SPATA6: variants seen among roughly 807,000 people sequenced by gnomAD.
The protein encoded by SPATA6 is spermatogenesis-associated protein 6.
Under a neutral mutation model 65.3 loss-of-function variants are expected in SPATA6, and 56 were observed. The ratio of observed to expected loss-of-function variants is 0.86; its 90% confidence interval spans 0.69 to 1.07. SPATA6 has a LOEUF of 1.07. Among genes scored for constraint, SPATA6 ranks in the 50% least tolerant of loss-of-function variants. The pLI is 0.00. For synonymous variants in SPATA6, 199 were observed against 213.2 expected (o/e 0.93, Z 0.58); for missense variants, 590 against 594.8 (o/e 0.99, Z 0.08).
chr1:48,263,102 G>A, the SPATA6 span: 2 of 151,878 alleles, frequency 1.3e-5, no homozygotes, highest in Non-Finnish European at 1.5e-5. Flanking sequence ...TGACAATAAC[G>A]TATAAGAAGC....
chr1:48,435,817 C>T (rs534805898), intron 3 of SPATA6: 24 of 876,802 alleles, frequency 2.7e-5, no homozygotes, highest in Non-Finnish European at 4.2e-5. Context: ...GGCGCCCGCC[C>T]CTGTCCGCAC....
intron 7 of SPATA6, 44 bp from the exon 8 acceptor site, chr1:48,395,398 C>A: frequency 7.2e-7 from 1 of 1,381,552 alleles, no homozygotes; most frequent in East Asian, 2.6e-5. Context: ...TTTAAACATT[C>A]CTAGACTTTC....
At chr1:48,414,995 TAAA>T (rs79060900) in intron 3 of SPATA6, among the ~76,000 whole-genome samples, 1 of 141,464 alleles carries the variant, frequency 7.1e-6, no homozygotes. Context: ...ACAGAAATTC[TAAA>T]AAAAAAAAAC....
chr1:48,427,090 T>C (rs1238262044), intron 3 of SPATA6, among the ~76,000 whole-genome samples: 1 of 152,080 alleles, frequency 6.6e-6, no homozygotes, highest in Non-Finnish European at 1.5e-5. Flanking sequence ...CACAACTGAC[T>C]AATTTTTAAT....
downstream of SPATA6, among the ~76,000 whole-genome samples, chr1:48,291,481 CA>C (rs1273584787): frequency 6.6e-6 from 1 of 152,176 alleles, no homozygotes; most frequent in African/African-American, 2.4e-5. Context: ...ATCTCTGCTG[CA>C]TCACACAGGT....
chr1:48,261,680 AG>A, the SPATA6 span, among the ~76,000 whole-genome samples: 4 of 152,054 alleles, frequency 2.6e-5, no homozygotes, highest in Admixed American at 2.0e-4. Flanking sequence ...TGAAAATAAA[AG>A]GGATGATCTG....
intron 9 of SPATA6, among the ~76,000 whole-genome samples, chr1:48,370,815 T>C (rs1027199111): frequency 1.3e-5 from 2 of 152,118 alleles, no homozygotes; most frequent in East Asian, 1.9e-4. Flanking sequence ...CAGAAACAAA[T>C]TGCAAACTCT....
intron 1 of SPATA6, among the ~76,000 whole-genome samples, chr1:48,464,990 A>G (rs1298249697): frequency 6.6e-6 from 1 of 152,208 alleles, no homozygotes; most frequent in Non-Finnish European, 1.5e-5. Flanking sequence ...TTTACCAGAA[A>G]CGAAAAAATT....
At chr1:48,417,885 T>C (rs1652925493) in intron 3 of SPATA6, among the ~76,000 whole-genome samples, 1 of 152,146 alleles carries the variant, frequency 6.6e-6, no homozygotes, top group Non-Finnish European at 1.5e-5. Flanking sequence ...TGTTGTTGTT[T>C]GGTTTTTTTT....
At chr1:48,268,570 GA>G in the SPATA6 span, among the ~76,000 whole-genome samples, 1 of 151,600 alleles carries the variant, frequency 6.6e-6, no homozygotes, top group East Asian at 1.9e-4. Flanking sequence ...AAAAAATCCA[GA>G]AAAAACTTCC....
chr1:48,398,923 T>A (rs1650867144), intron 7 of SPATA6: 1 of 154,352 alleles, frequency 6.5e-6, no homozygotes, highest in Admixed American at 6.4e-5. Context: ...ACCCAAGGGA[T>A]GTAATTTAAA....
At position 48,468,959 on chromosome 1, in the gene SPATA6, C is replaced by T. The variant is rs963742927; in HGVS notation, c.51+2999G>A. On this transcript the variant is annotated intron_variant, in intron 1 of 12. Transcript: ENST00000371847. ...TCTCCTTATTTTTTAATTTTATTTA[C>T]GTATGTATTTATTTAAGAGACAGGG... Among the ~76,000 whole-genome samples, 3 of 151,938 alleles carry T rather than the reference C, an allele frequency of 2.0e-5. No homozygotes were observed. The South Asian group carries it at 6.2e-4, about 32-fold the overall frequency.
intron 11 of SPATA6, among the ~76,000 whole-genome samples, chr1:48,312,184 A>G (rs916208919): frequency 6.6e-6 from 1 of 152,238 alleles, no homozygotes; most frequent in African/African-American, 2.4e-5. Flanking sequence ...CTGCAGACTT[A>G]AATGTCCCTG....
chr1:48,311,925 C>T (rs941194820), intron 11 of SPATA6, among the ~76,000 whole-genome samples: 2 of 152,196 alleles, frequency 1.3e-5, no homozygotes, highest in Non-Finnish European at 2.9e-5. Context: ...GATTGTATCC[C>T]GCGATTGGCT....
rs373799574 is a variant in SPATA6 at position 48,321,648 on chromosome 1, T to C, written c.1195-15770A>G. 3.2e-4 allele frequency among the ~76,000 whole-genome samples: 48 copies of C among 152,266 alleles called. 1 individual carries two copies. The South Asian group carries it at 4.8e-3, about 15-fold the overall frequency. ...ATCAGCAAAGAAATACCAGACTTAA[T>C]CTGCACTATAGCCTAAATAAACCTA... is the stretch of plus-strand genomic sequence containing the variant. On this transcript the variant is annotated intron_variant, in intron 11 of 12. Transcript: ENST00000371847.
chr1:48,341,450 C>T lies in SPATA6; in HGVS notation c.1194+14220G>A, dbSNP rs1646212855. Reference sequence around the variant, plus strand: ...GTCCAGCATACCCACGCCGTATACACTACTTGCCTATTTGTCACTAAGCAG... The same window carrying T: ...GTCCAGCATACCCACGCCGTATACATTACTTGCCTATTTGTCACTAAGCAG... On this transcript the variant is annotated intron_variant, in intron 11 of 12. Coordinates refer to ENST00000371847, the MANE Select transcript of SPATA6 (RefSeq NM_019073.4). Among the ~76,000 whole-genome samples the T allele has an allele frequency of 2.0e-5, 3 of 152,318 alleles. No individual in the cohort carries two copies. The South Asian group carries it at 6.2e-4, about 32-fold the overall frequency.
the SPATA6 span, among the ~76,000 whole-genome samples, chr1:48,288,951 C>T: frequency 1.3e-5 from 2 of 152,256 alleles, no homozygotes; most frequent in Non-Finnish European, 2.9e-5. Flanking sequence ...GCAGCAGAAA[C>T]TTCTGCAGAC....
the SPATA6 span, among the ~76,000 whole-genome samples, chr1:48,284,261 G>A: frequency 6.6e-6 from 1 of 152,056 alleles, no homozygotes; most frequent in African/African-American, 2.4e-5. Flanking sequence ...TTCTCATGCT[G>A]TGTTTTTCAA....
the SPATA6 span, among the ~76,000 whole-genome samples, chr1:48,278,447 G>A: frequency 5.3e-5 from 8 of 152,288 alleles, no homozygotes; most frequent in East Asian, 1.9e-4. Context: ...AAATTTAGAC[G>A]AATGTATAAC....
Sources: gnomAD v4.1 joint callset for allele counts (sites outside exome capture counted in the v4.1 genomes callset) on GRCh38, gnomAD v4.1.1 for gene constraint, MANE v1.5 for transcripts, NCBI Gene and HGNC (gene_info 2026-07-23, HGNC 2026-07-21) for gene names.